EIF1AD: variants seen among roughly 807,000 people sequenced by gnomAD.
The protein encoded by EIF1AD is probable RNA-binding protein EIF1AD.
EIF1AD carries 9 observed loss-of-function variants against 21.7 expected under a neutral mutation model. The ratio of observed to expected loss-of-function variants is 0.41; its 90% CI spans 0.25 to 0.72. The LOEUF (loss-of-function observed/expected upper bound fraction) is 0.72, where lower values mean the gene tolerates loss of function less well. EIF1AD is among the 30% of genes least tolerant of loss of function. EIF1AD has a pLI of 0.29. For missense variants in EIF1AD, 164 were observed against 199.7 expected (o/e 0.82, Z 1.08); for synonymous variants, 78 against 70.9 (o/e 1.10, Z -0.50).
intron 1 of EIF1AD, 23 bp from the exon 2 acceptor site, chr11:66,000,528 G>C: frequency 1.3e-6 from 1 of 767,922 alleles, no homozygotes; most frequent in Non-Finnish European, 2.1e-6. Flanking sequence ...ACGGTGTCTT[G>C]GTTAAGAACA....
intron 5 of EIF1AD, 145 bp from the exon 6 acceptor site, chr11:65,998,888 A>G: frequency 1.1e-6 from 1 of 895,592 alleles, no homozygotes; most frequent in East Asian, 2.5e-5. Flanking sequence ...GGGACACAGG[A>G]GAGCAAACAG....
At chr11:66,001,567 T>A (rs920802862) in intron 1 of EIF1AD, among the ~76,000 whole-genome samples, 4 of 150,970 alleles carry the variant, frequency 2.6e-5, no homozygotes, top group Non-Finnish European at 5.9e-5. Flanking sequence ...CCTGGCAACC[T>A]CTCTGGAAGG....
rs978412339 is a variant in EIF1AD, at chr11:66,000,359, C to T, written c.31G>A (p.Val11Met). ...ATGTGCTCCCCTAGCACCTCCTTCACCACATGCTTCCTCTTGGTGGCCTGA... is the reference window on the plus strand; with the variant it reads ...ATGTGCTCCCCTAGCACCTCCTTCATCACATGCTTCCTCTTGGTGGCCTGA... MSQATKRKHV[V>M]KEVLGEHIVP... Residue 11 changes from valine (V) to methionine (M), a missense_variant, in exon 2 of 6, where the codon GTG (valine) becomes ATG (methionine). Transcript: ENST00000533544. 1.2e-6 allele frequency: 2 copies of T among 1,612,922 alleles called. No homozygotes were observed. Among genetic ancestry groups the T allele is most frequent in the Non-Finnish European group, 1.7e-6 (2 of 1,179,524 alleles).
rs1855796202 is a variant in EIF1AD at position 65,998,109 on chromosome 11, T to A, written c.*490A>T. On this transcript the variant is annotated 3_prime_UTR_variant, in exon 6 of 6. Transcript: ENST00000533544. Reference sequence around the variant, plus strand: ...GAGAACAGCACGAGGCACCATGGGCTCCTGAGCGTCTCTTAGAGGCAGGTG... The same window carrying A: ...GAGAACAGCACGAGGCACCATGGGCACCTGAGCGTCTCTTAGAGGCAGGTG... The A allele has an allele frequency of 6.5e-6, 1 of 154,162 alleles. No individual in the cohort carries two copies. The allele number at this position is 154,162 out of a possible 1,614,324, so 9.5% of individuals were successfully genotyped here.
chr11:65,999,281 T>C, intron 5 of EIF1AD, 69 bp downstream of exon 5: 1 of 1,602,422 alleles, frequency 6.2e-7, no homozygotes, highest in Non-Finnish European at 8.5e-7. Context: ...AGGCTCTATT[T>C]TTCCCTCAAG....
Position 65,998,347 on chromosome 11 carries a change from A to C in EIF1AD, c.*252T>G. 3 of 268,458 alleles carry C rather than the reference A, an allele frequency of 1.1e-5. No individual in the cohort carries two copies. The highest frequency in any genetic ancestry group is 1.4e-5 in the Non-Finnish European group (2 of 142,096). 16.6% of individuals were successfully genotyped at this position (268,458 alleles called of 1,614,324 possible). A position where few individuals can be genotyped will look rare whatever the true frequency, so the allele number is the denominator to read the frequency against. On this transcript the variant is annotated 3_prime_UTR_variant, in exon 6 of 6. Coordinates refer to ENST00000533544, the MANE Select transcript of EIF1AD (RefSeq NM_001242481.2). ...CTCCCCATTCAGCCCACCCACCCAC[A>C]AGGTCTCTAATAAATAGGGAGCAGT...
chr11:65,999,751 A>G lies in EIF1AD; in HGVS notation c.197-76T>C, dbSNP rs113448289. ...AGCCAAAGCCATAGGAAGGGGTTCT[A>G]TCTCCTAGAGAGGGCTGCCTCTCTC... On this transcript the variant is annotated intron_variant, in intron 3 of 5. Transcript: ENST00000533544. 1.9e-5 allele frequency: 20 copies of G among 1,026,198 alleles called. 1 individual carries two copies. In the African/African-American group the frequency reaches 2.6e-4, roughly 13 times the overall value. The allele number at this position is 1,026,198 out of a possible 1,614,324, so 63.6% of individuals were successfully genotyped here. A position where few individuals can be genotyped will look rare whatever the true frequency, so the allele number is the denominator to read the frequency against.
chr11:66,000,488 A>G lies in EIF1AD; in HGVS notation c.-99T>C. 1 of 1,227,182 alleles carries G rather than the reference A, an allele frequency of 8.1e-7. No homozygotes were observed. Among genetic ancestry groups the G allele is most frequent in the South Asian group, 1.3e-5 (1 of 76,838 alleles). 76.0% of individuals were successfully genotyped at this position (1,227,182 alleles called of 1,614,324 possible). On this transcript the variant is annotated 5_prime_UTR_variant, in exon 2 of 6. Transcript: ENST00000533544. ...CTCAGAACCCAGGACTGTTCTGAAGATGGGGAGGGGCCTTTTACTGAGGGG... is the reference window on the plus strand; with the variant it reads ...CTCAGAACCCAGGACTGTTCTGAAGGTGGGGAGGGGCCTTTTACTGAGGGG...
At chr11:65,999,967 T>A in intron 3 of EIF1AD, 86 bp downstream of exon 3, 1 of 1,084,424 alleles carries the variant, frequency 9.2e-7, no homozygotes, top group Non-Finnish European at 1.4e-6. Flanking sequence ...AGAGACAAGG[T>A]CTCATTATGC....
intron 5 of EIF1AD, 28 bp from the exon 6 acceptor site, chr11:65,998,771 G>C: frequency 6.2e-7 from 1 of 1,601,528 alleles, no homozygotes; most frequent in South Asian, 1.1e-5. Flanking sequence ...AGCAGGGTTA[G>C]CCCAGCGCCT....
In EIF1AD at chr11:65,998,739, T is replaced by C. The variant is rs35173176; in HGVS notation, c.358A>G (p.Thr120Ala). 1.1e-3 allele frequency: 1,743 copies of C among 1,613,868 alleles called. 21 individuals are homozygous for C. The African/African-American group carries it at 0.019, about 17-fold the overall frequency. The change falls in exon 6 of 6, where the codon ACT becomes GCT. Residue 120 changes from threonine (T) to alanine (A), a missense_variant. Transcript: ENST00000533544. ...GGCTCAGCTGGGAGTTCTGGTTGAGTTTGTCTGCACGAAGGGAAGAGAGCA... is the reference window on the plus strand; with the variant it reads ...GGCTCAGCTGGGAGTTCTGGTTGAGCTTGTCTGCACGAAGGGAAGAGAGCA... ...AEKHNNRNRQ[T>A]QPELPAEPQL... is the part of the protein sequence containing the mutation.
chr11:65,999,979 G>T, intron 3 of EIF1AD, 74 bp downstream of exon 3: 2 of 1,219,374 alleles, frequency 1.6e-6, no homozygotes, highest in Non-Finnish European at 1.2e-6. Context: ...TCATTATGCT[G>T]CCCAGGCTGG....
intron 3 of EIF1AD, 61 bp from the exon 4 acceptor site, chr11:65,999,736 A>C: frequency 4.9e-6 from 6 of 1,235,654 alleles, no homozygotes; most frequent in Non-Finnish European, 5.9e-6. Context: ...AGCCAAAGCC[A>C]TAGGAAGGGG....
intron 1 of EIF1AD, among the ~76,000 whole-genome samples, chr11:66,001,113 G>A (rs1855937860): frequency 6.6e-6 from 1 of 152,138 alleles, no homozygotes; most frequent in Admixed American, 6.5e-5. Context: ...TTAATCTGGT[G>A]TCTGAGGAGT....
rs556538393 is a variant in EIF1AD, at chr11:66,000,520, G to T, written c.-116-15C>A. 10 of 811,742 alleles carry T rather than the reference G, an allele frequency of 1.2e-5. No individual in the cohort carries two copies. The Admixed American group carries it at 1.6e-4, about 13-fold the overall frequency. The allele number at this position is 811,742 out of a possible 1,614,324, so 50.3% of individuals were successfully genotyped here. A position where few individuals can be genotyped will look rare whatever the true frequency, so the allele number is the denominator to read the frequency against. On this transcript the variant is annotated splice_polypyrimidine_tract_variant and intron_variant, in intron 1 of 5. Coordinates refer to ENST00000533544, the MANE Select transcript of EIF1AD (RefSeq NM_001242481.2). The stretch of plus-strand genomic sequence containing the variant: ...GGGGCCTTTTACTGAGGGGTGACAC[G>T]GTGTCTTGGTTAAGAACATGGGTTC...
intron 1 of EIF1AD, 162 bp from the exon 2 acceptor site, chr11:66,000,667 C>T (rs1016499545): frequency 2.8e-6 from 1 of 352,126 alleles, no homozygotes. Context: ...GAGGCCACCA[C>T]TTCTCCTGTT....
chr11:65,999,482 C>CCA, intron 4 of EIF1AD, 85 bp from the exon 5 acceptor site: 1 of 1,604,124 alleles, frequency 6.2e-7, no homozygotes, highest in Non-Finnish European at 8.5e-7. Flanking sequence ...GCCTGGGATG[C>CCA]CATGACCTTC....
chr11:65,999,316 T>C, intron 5 of EIF1AD, 34 bp downstream of exon 5: 1 of 1,614,088 alleles, frequency 6.2e-7, no homozygotes, highest in Non-Finnish European at 8.5e-7. Flanking sequence ...ACCCCTTATT[T>C]TCCATGTACC....
intron 5 of EIF1AD, 72 bp from the exon 6 acceptor site, chr11:65,998,815 CA>C (rs1855825775): frequency 1.2e-5 from 19 of 1,549,678 alleles, no homozygotes; most frequent in East Asian, 4.5e-5. Flanking sequence ...CAAGGAGTTC[CA>C]AAAAAAGGAC....
Sources: gnomAD v4.1 joint callset for allele counts (sites outside exome capture counted in the v4.1 genomes callset) on GRCh38, gnomAD v4.1.1 for gene constraint, MANE v1.5 for transcripts, NCBI Gene and HGNC (gene_info 2026-07-23, HGNC 2026-07-21) for gene names.